PTPRD: variants seen among roughly 807,000 people sequenced by gnomAD.
PTPRD encodes receptor-type tyrosine-protein phosphatase delta.
PTPRD carries 34 observed loss-of-function variants against 214.5 expected under a neutral mutation model. The ratio of observed to expected loss-of-function variants is 0.16; its 90% CI spans 0.12 to 0.21. The LOEUF (loss-of-function observed/expected upper bound fraction) is 0.21, where lower values mean the gene tolerates loss of function less well. PTPRD is among the 10% of genes least tolerant of loss of function. The pLI is 1.00. For synonymous variants in PTPRD, 1,128 were observed against 845.7 expected, an observed-to-expected ratio of 1.33 and a Z score of -5.79; for missense variants, 2,545 against 2,398.7, an observed-to-expected ratio of 1.06 and a Z score of -1.27.
intron 21 of PTPRD, among the ~76,000 whole-genome samples, chr9:8,508,808 G>A (rs565538402): frequency 6.6e-6 from 1 of 151,978 alleles, no homozygotes; most frequent in African/African-American, 2.4e-5. Flanking sequence ...AAAGCAGTCT[G>A]CAAGAATGAT....
chr9:9,726,072 A>T (rs1778830924), intron 7 of PTPRD, among the ~76,000 whole-genome samples: 2 of 152,150 alleles, frequency 1.3e-5, no homozygotes, highest in African/African-American at 4.8e-5. Context: ...AAAATAAGAA[A>T]TTTCTCATTG....
At chr9:8,743,693 CAA>C (rs2092405296) in intron 11 of PTPRD, among the ~76,000 whole-genome samples, 1 of 151,800 alleles carries the variant, frequency 6.6e-6, no homozygotes, top group Admixed American at 6.6e-5. Context: ...TCGGCTTAGG[CAA>C]AGACTTCATG....
intron 37 of PTPRD, among the ~76,000 whole-genome samples, chr9:8,383,549 C>T (rs1392522): frequency 0.16 from 24,108 of 152,094 alleles, 2,805 homozygotes; most frequent in East Asian, 0.49. Flanking sequence ...TAATATATGG[C>T]ATCATCTGGT....
At chr9:9,980,617 ACAAAAAAAAAAAAAAAAC>A (rs1566900798) in intron 4 of PTPRD, among the ~76,000 whole-genome samples, 22 of 94,360 alleles carry the variant, frequency 2.3e-4, no homozygotes, top group South Asian at 4.1e-4. Context: ...TCAAAAAAAA[ACAAAAAAAAAAAAAAAAC>A]AAAAAAAAAA....
At chr9:9,478,397 A>C (rs926136466) in intron 8 of PTPRD, among the ~76,000 whole-genome samples, 2 of 152,198 alleles carry the variant, frequency 1.3e-5, no homozygotes, top group African/African-American at 4.8e-5. Context: ...AAAAATAAAA[A>C]CAATGTCATT....
At chr9:9,322,671 A>G (rs1595763769) in intron 9 of PTPRD, among the ~76,000 whole-genome samples, 1 of 152,314 alleles carries the variant, frequency 6.6e-6, no homozygotes, top group Admixed American at 6.5e-5. Flanking sequence ...AAATCAGTGC[A>G]ATGCTACAGG....
Position 8,518,038 on chromosome 9 carries a change from A to G in PTPRD, c.1353T>C (p.Tyr451=), listed in dbSNP as rs1208393316. 1.2e-6 allele frequency: 2 copies of G among 1,614,138 alleles called. No homozygotes were observed. The highest frequency in any genetic ancestry group is 2.2e-5 in the East Asian group (1 of 44,878). ...PEEPNGQIQG[Y]RVYYTMDPTQ... The stretch of plus-strand genomic sequence containing the variant: ...TGGGATCCATTGTATAATAAACTCT[A>G]TATCCTTGGATCTGTCCATTTGGCT... The change falls in exon 21 of 46, where the codon TAT becomes TAC. Residue 451 remains tyrosine, a synonymous_variant. Transcript: ENST00000381196.
At chr9:8,609,721 G>T (rs147014606) in intron 14 of PTPRD, among the ~76,000 whole-genome samples, 27 of 152,194 alleles carry the variant, frequency 1.8e-4, no homozygotes, top group Admixed American at 6.5e-4. Context: ...CTAATAGCTG[G>T]TTATAGGTAC....
chr9:8,417,962 C>A (rs367546599), intron 35 of PTPRD, among the ~76,000 whole-genome samples: 1 of 152,126 alleles, frequency 6.6e-6, no homozygotes, highest in Non-Finnish European at 1.5e-5. Context: ...CTATTGCACT[C>A]TGTGTCTACA....
intron 11 of PTPRD, among the ~76,000 whole-genome samples, chr9:8,734,592 G>C (rs2098697291): frequency 6.6e-6 from 1 of 152,110 alleles, no homozygotes; most frequent in Admixed American, 6.5e-5. Flanking sequence ...ATGCCTCCTG[G>C]GCAAGGGTTT....
At chr9:10,369,863 T>G (rs1403044090) in intron 2 of PTPRD, among the ~76,000 whole-genome samples, 1 of 152,048 alleles carries the variant, frequency 6.6e-6, no homozygotes, top group East Asian at 1.9e-4. Flanking sequence ...AAAGCATAAA[T>G]AGCATGTCAT....
At position 10,542,937 on chromosome 9, in the gene PTPRD, G is replaced by C. The variant is rs942384518; in HGVS notation, c.-600+69461C>G. Among the ~76,000 whole-genome samples, 25 of 152,204 alleles carry C rather than the reference G, an allele frequency of 1.6e-4. 1 individual carries two copies. The highest frequency in any genetic ancestry group is 6.8e-3 in the Middle Eastern group (2 of 294). ...TTTATTTGTATTTAATTTTAGTAGA[G>C]ATGGGGTGTCTCCATGTTGGTCGCA... On this transcript the variant is annotated intron_variant, in intron 2 of 45. Coordinates refer to ENST00000381196, the MANE Select transcript of PTPRD (RefSeq NM_002839.4).
chr9:9,135,302 A>G (rs2099849135), intron 10 of PTPRD, among the ~76,000 whole-genome samples: 1 of 152,188 alleles, frequency 6.6e-6, no homozygotes, highest in South Asian at 2.1e-4. Flanking sequence ...AATACATTCA[A>G]TATCTCTTGA....
chr9:10,231,453 C>G (rs940396566), intron 3 of PTPRD, among the ~76,000 whole-genome samples: 3 of 151,872 alleles, frequency 2.0e-5, no homozygotes, highest in African/African-American at 2.4e-5. Context: ...TATCATCACT[C>G]TGGTGGTAAA....
At chr9:10,113,442 A>G (rs1453379209) in intron 3 of PTPRD, among the ~76,000 whole-genome samples, 3 of 152,170 alleles carry the variant, frequency 2.0e-5, no homozygotes, top group Admixed American at 6.5e-5. Context: ...CTGCTGCTCA[A>G]TAACTCAAAC....
intron 6 of PTPRD, among the ~76,000 whole-genome samples, chr9:9,737,918 A>C (rs530085106): frequency 4.6e-5 from 7 of 152,274 alleles, no homozygotes; most frequent in Non-Finnish European, 8.8e-5. Flanking sequence ...TTCCACAGCA[A>C]CTGCATCATT....
At chr9:9,350,202 G>A (rs892412894) in intron 9 of PTPRD, among the ~76,000 whole-genome samples, 2 of 152,016 alleles carry the variant, frequency 1.3e-5, no homozygotes, top group African/African-American at 4.8e-5. Flanking sequence ...TGAACAAGCA[G>A]TTAATTTTTG....
At chr9:10,157,624 T>C (rs2099101662) in intron 3 of PTPRD, among the ~76,000 whole-genome samples, 1 of 152,170 alleles carries the variant, frequency 6.6e-6, no homozygotes, top group African/African-American at 2.4e-5. Context: ...GGAAATGATC[T>C]TCTTGTGAAG....
chr9:9,275,174 AAT>A (rs1270847563), intron 9 of PTPRD, among the ~76,000 whole-genome samples: 5 of 28,954 alleles, frequency 1.7e-4, no homozygotes, highest in East Asian at 2.5e-3. Flanking sequence ...ACATATATAT[AAT>A]ATATATGTTA....
Sources: gnomAD v4.1 joint callset for allele counts (sites outside exome capture counted in the v4.1 genomes callset) on GRCh38, gnomAD v4.1.1 for gene constraint, MANE v1.5 for transcripts, NCBI Gene and HGNC (gene_info 2026-07-23, HGNC 2026-07-21) for gene names.